PRICKLE2: variants seen among roughly 807,000 people sequenced by gnomAD.
PRICKLE2 encodes prickle-like protein 2.
In PRICKLE2, 21 loss-of-function variants were observed where a neutral mutation model predicts 81.4. The observed-to-expected ratio is 0.26, with a 90% confidence interval of 0.18 to 0.37. The LOEUF (loss-of-function observed/expected upper bound fraction) is 0.37, where lower values mean the gene tolerates loss of function less well. Ranked by LOEUF, PRICKLE2 falls within the 10% of genes least tolerant of loss-of-function variation. The pLI is 1.00. For synonymous variants in PRICKLE2, 456 were observed against 421.5 expected, an observed-to-expected ratio of 1.08 and a Z score of -1.00; for missense variants, 940 against 1,109.0, an observed-to-expected ratio of 0.85 and a Z score of 2.16.
chr3:64,231,854 A>T (rs1559594619), intron 2 of PRICKLE2, among the ~76,000 whole-genome samples: 1 of 152,184 alleles, frequency 6.6e-6, no homozygotes, highest in Non-Finnish European at 1.5e-5. Flanking sequence ...GAATGATGCA[A>T]GGGTCCACAG....
chr3:64,155,977 C>G (rs13072811), intron 5 of PRICKLE2, among the ~76,000 whole-genome samples: 49,238 of 152,022 alleles, frequency 0.32, 8,499 homozygotes, highest in Non-Finnish European at 0.39. Flanking sequence ...ATACTAAAAT[C>G]CACTGAATTA....
intron 2 of PRICKLE2, among the ~76,000 whole-genome samples, chr3:64,189,512 A>C (rs1461077795): frequency 2.6e-5 from 4 of 152,206 alleles, no homozygotes. Context: ...CCACACGGGC[A>C]CTAGAGTCAG....
chr3:64,112,444 A>T (rs2076863898), intron 7 of PRICKLE2, among the ~76,000 whole-genome samples: 1 of 152,208 alleles, frequency 6.6e-6, no homozygotes, highest in Admixed American at 6.5e-5. Context: ...GTACAACAGA[A>T]CCAATTACTA....
intron 7 of PRICKLE2, among the ~76,000 whole-genome samples, chr3:64,142,396 C>T (rs59638866): frequency 0.12 from 18,011 of 150,560 alleles, 1,225 homozygotes; most frequent in East Asian, 0.28. Flanking sequence ...CTGAAACCTC[C>T]GCCTCCTGGG....
chr3:64,153,552 A>C, intron 5 of PRICKLE2, 184 bp from the exon 6 acceptor site: 1 of 600,222 alleles, frequency 1.7e-6, no homozygotes, highest in Non-Finnish European at 2.9e-6. Flanking sequence ...ACATGGATTT[A>C]CCTAAAGCAT....
chr3:64,185,682 T>C (rs751495964), intron 2 of PRICKLE2, among the ~76,000 whole-genome samples: 24 of 152,220 alleles, frequency 1.6e-4, no homozygotes, highest in South Asian at 8.3e-4. Context: ...CCTGAGGCAA[T>C]TGATGAAACC....
intron 2 of PRICKLE2, among the ~76,000 whole-genome samples, chr3:64,247,224 AC>A (rs1345440421): frequency 2.0e-5 from 3 of 152,066 alleles, no homozygotes; most frequent in South Asian, 4.2e-4. Flanking sequence ...TATATATCAT[AC>A]TTTTTCCCCA....
At chr3:64,184,898 A>G (rs967345375) in intron 2 of PRICKLE2, among the ~76,000 whole-genome samples, 1 of 152,264 alleles carries the variant, frequency 6.6e-6, no homozygotes, top group Admixed American at 6.5e-5. Context: ...CCCAACCTCA[A>G]ATTTATCCAT....
At chr3:64,149,102 A>G (rs2107018941) in intron 6 of PRICKLE2, among the ~76,000 whole-genome samples, 1 of 152,314 alleles carries the variant, frequency 6.6e-6, no homozygotes, top group African/African-American at 2.4e-5. Context: ...GGCCTGCGCC[A>G]GGTTTATATA....
chr3:64,171,944 G>C lies in PRICKLE2; in HGVS notation c.145-8815C>G, dbSNP rs1028042029. On this transcript the variant is annotated intron_variant, in intron 2 of 7. Coordinates refer to ENST00000638394, the MANE Select transcript of PRICKLE2 (RefSeq NM_198859.4). Reference sequence around the variant, plus strand: ...ATTTCTTTCAAGTTGAGTTAACTTCGTTTGAACAAACTAAGGAAAATAATT... The same window carrying C: ...ATTTCTTTCAAGTTGAGTTAACTTCCTTTGAACAAACTAAGGAAAATAATT... 2.0e-5 allele frequency among the ~76,000 whole-genome samples: 3 copies of C among 152,168 alleles called. No individual in the cohort carries two copies. The South Asian group carries it at 6.2e-4, about 31-fold the overall frequency.
chr3:64,113,691 G>T (rs1201915858), intron 7 of PRICKLE2, among the ~76,000 whole-genome samples: 1 of 152,032 alleles, frequency 6.6e-6, no homozygotes, highest in Non-Finnish European at 1.5e-5. Flanking sequence ...AGCTTTGGTG[G>T]GCATAAAGCC....
At chr3:64,235,064 T>C (rs1575698412) in intron 2 of PRICKLE2, among the ~76,000 whole-genome samples, 4 of 152,302 alleles carry the variant, frequency 2.6e-5, no homozygotes, top group East Asian at 1.9e-4. Flanking sequence ...TTATTTTCAC[T>C]CTCTTTTCTC....
chr3:64,265,971 A>T (rs919380620), intron 2 of PRICKLE2, among the ~76,000 whole-genome samples: 1 of 152,198 alleles, frequency 6.6e-6, no homozygotes, highest in Non-Finnish European at 1.5e-5. Flanking sequence ...CAGTTTCTTA[A>T]ATGGAAGTAC....
chr3:64,130,170 C>T (rs2077176148), intron 7 of PRICKLE2, among the ~76,000 whole-genome samples: 1 of 152,174 alleles, frequency 6.6e-6, no homozygotes, highest in South Asian at 2.1e-4. Flanking sequence ...TACTGTAGTT[C>T]ACTTGACTTT....
Position 64,153,165 on chromosome 3 carries a change from G to A in PRICKLE2, c.787+17C>T, listed in dbSNP as rs2077574268. ...GCATCACAGAAGGACCAAGCTGACT[G>A]CCAAATATTGCCTCACCTATATGTT... is the stretch of plus-strand genomic sequence containing the variant. On this transcript the variant is annotated intron_variant, in intron 6 of 7. Coordinates refer to ENST00000638394, the MANE Select transcript of PRICKLE2 (RefSeq NM_198859.4). 2 of 1,613,042 alleles carry A rather than the reference G, an allele frequency of 1.2e-6. No individual in the cohort carries two copies. Among genetic ancestry groups the A allele is most frequent in the Non-Finnish European group, 1.7e-6 (2 of 1,179,082 alleles).
At chr3:64,156,697 C>A (rs2077640983) in intron 5 of PRICKLE2, among the ~76,000 whole-genome samples, 1 of 152,132 alleles carries the variant, frequency 6.6e-6, no homozygotes, top group African/African-American at 2.4e-5. Context: ...CTTTTATAAA[C>A]TGTAGAAAAA....
At chr3:64,178,691 T>C (rs900749497) in intron 2 of PRICKLE2, among the ~76,000 whole-genome samples, 2 of 152,234 alleles carry the variant, frequency 1.3e-5, no homozygotes, top group Non-Finnish European at 2.9e-5. Flanking sequence ...ATGGCAGTTA[T>C]GTGCTATAAA....
At chr3:64,108,647 T>C (rs2076794440) in intron 7 of PRICKLE2, among the ~76,000 whole-genome samples, 1 of 152,188 alleles carries the variant, frequency 6.6e-6, no homozygotes, top group South Asian at 2.1e-4. Flanking sequence ...TCACCGGACT[T>C]GCAGAATTCA....
At chr3:64,108,047 A>G (rs1250280243) in intron 7 of PRICKLE2, among the ~76,000 whole-genome samples, 1 of 152,240 alleles carries the variant, frequency 6.6e-6, no homozygotes, top group Non-Finnish European at 1.5e-5. Flanking sequence ...AATCCAGCTT[A>G]CTGCCTGTTT....
Sources: gnomAD v4.1 joint callset for allele counts (sites outside exome capture counted in the v4.1 genomes callset) on GRCh38, gnomAD v4.1.1 for gene constraint, MANE v1.5 for transcripts, NCBI Gene and HGNC (gene_info 2026-07-23, HGNC 2026-07-21) for gene names.